SPTY2D1: variants seen among roughly 807,000 people sequenced by gnomAD.
SPTY2D1 encodes protein SPT2 homolog.
In SPTY2D1, 21 loss-of-function variants were observed where a neutral mutation model predicts 64.0. That is an observed-to-expected ratio of 0.33 (90% confidence interval 0.23 to 0.47). The LOEUF (loss-of-function observed/expected upper bound fraction) is 0.47, where lower values mean the gene tolerates loss of function less well. Among genes scored for constraint, SPTY2D1 ranks in the 20% least tolerant of loss-of-function variants. The pLI is 1.00. For missense variants in SPTY2D1, 724 were observed against 837.2 expected (o/e 0.86, Z 1.67); for synonymous variants, 287 against 286.8 (o/e 1.00, Z -0.01).
Position 18,615,921 on chromosome 11 carries a change from C to T in SPTY2D1, c.353G>A (p.Gly118Glu), listed in dbSNP as rs368425221. Residue 118 changes from glycine (G) to glutamate (E), a missense_variant, in exon 3 of 6, where the codon GGA becomes GAA. Transcript: ENST00000336349. Reference protein sequence around the residue: ...RQATESHTSQGTDREYEMEEE... With the variant: ...RQATESHTSQETDREYEMEEE... ...TTCCATTTCATACTCTCGGTCGGTT[C>T]CTTGGCTGGTATGGCTTTCTGTTGC... 1.9e-6 allele frequency: 3 copies of T among 1,614,146 alleles called. No individual in the cohort carries two copies. The highest frequency in any genetic ancestry group is 2.5e-6 in the Non-Finnish European group (3 of 1,180,042).
chr11:18,627,258 C>CAAAAAAAAA (rs1192277676), intron 1 of SPTY2D1, among the ~76,000 whole-genome samples: 123 of 47,256 alleles, frequency 2.6e-3, no homozygotes, highest in Non-Finnish European at 3.4e-3. Context: ...ACTAAAAATA[C>CAAAAAAAAA]AAAAAAAAAA....
At chr11:18,610,685 A>C (rs1392469845) in intron 5 of SPTY2D1, among the ~76,000 whole-genome samples, 10 of 151,056 alleles carry the variant, frequency 6.6e-5, no homozygotes, top group Admixed American at 2.6e-4. Flanking sequence ...AAAAAAAAAA[A>C]AAACAACAAT....
chr11:18,631,556 A>G (rs1242333284), intron 1 of SPTY2D1, among the ~76,000 whole-genome samples: 18 of 151,590 alleles, frequency 1.2e-4, no homozygotes, highest in East Asian at 2.0e-4. Context: ...CCATCTCAAA[A>G]AAAAGAAAAG....
intron 1 of SPTY2D1, among the ~76,000 whole-genome samples, chr11:18,618,182 C>A (rs1030662686): frequency 2.6e-5 from 4 of 152,156 alleles, no homozygotes; most frequent in Non-Finnish European, 5.9e-5. Context: ...TGACCACACA[C>A]AAAGGCTGGG....
chr11:18,622,086 C>CAAAAAAAAAAAAAAAAAAAAAAAA (rs747593791), intron 1 of SPTY2D1, among the ~76,000 whole-genome samples: 2 of 11,832 alleles, frequency 1.7e-4, no homozygotes, highest in African/African-American at 4.8e-4. Flanking sequence ...GACCCTATCT[C>CAAAAAAAAAAAAAAAAAAAAAAAA]AAAAAAAAAA....
intron 4 of SPTY2D1, among the ~76,000 whole-genome samples, 165 bp from the exon 5 acceptor site, chr11:18,611,719 T>C (rs1015913022): frequency 2.6e-5 from 4 of 152,188 alleles, no homozygotes; most frequent in African/African-American, 7.2e-5. Context: ...GATGGATAGG[T>C]TTCTGAAGTA....
At chr11:18,630,680 T>A (rs1854573509) in intron 1 of SPTY2D1, among the ~76,000 whole-genome samples, 1 of 152,182 alleles carries the variant, frequency 6.6e-6, no homozygotes, top group Non-Finnish European at 1.5e-5. Flanking sequence ...CAGGGAAAAA[T>A]GAACCAATCA....
chr11:18,626,539 C>A (rs1241132715), intron 1 of SPTY2D1, among the ~76,000 whole-genome samples: 1 of 152,178 alleles, frequency 6.6e-6, no homozygotes, highest in African/African-American at 2.4e-5. Flanking sequence ...TCAGTACACG[C>A]CCCTCATTCA....
chr11:18,615,363 T>C lies in SPTY2D1; in HGVS notation c.911A>G (p.His304Arg). The C allele has an allele frequency of 3.7e-6, 6 of 1,614,204 alleles. No homozygotes were observed. Among genetic ancestry groups the C allele is most frequent in the Non-Finnish European group, 5.1e-6 (6 of 1,180,028 alleles). The change falls in exon 3 of 6, where the codon CAC becomes CGC. Residue 304 changes from histidine to arginine, a missense_variant. Around this residue, in one of 3 missense-constraint regions of SPTY2D1, gnomAD observed 426 missense variants for 431.8 expected, o/e 0.99. Coordinates refer to ENST00000336349, the MANE Select transcript of SPTY2D1 (RefSeq NM_194285.3). ...AGCTCCATTAAAAACAGGTTTGTCGTGGCCCTCACGAAGTGAGGGTTGGGA... is the reference window on the plus strand; with the variant it reads ...AGCTCCATTAAAAACAGGTTTGTCGCGGCCCTCACGAAGTGAGGGTTGGGA... ...NSSQPSLREG[H>R]DKPVFNGAGK...
chr11:18,634,135 C>T, intron 1 of SPTY2D1, 63 bp downstream of exon 1: 1 of 1,586,426 alleles, frequency 6.3e-7, no homozygotes, highest in South Asian at 1.1e-5. Context: ...GTTCCATGGG[C>T]CACACACATT....
intron 1 of SPTY2D1, among the ~76,000 whole-genome samples, chr11:18,618,540 C>T (rs1209601320): frequency 6.6e-6 from 1 of 152,160 alleles, no homozygotes; most frequent in Non-Finnish European, 1.5e-5. Flanking sequence ...CCTCTACGAC[C>T]ATTCCACATT....
intron 1 of SPTY2D1, among the ~76,000 whole-genome samples, chr11:18,628,913 G>T (rs1404947675): frequency 6.6e-6 from 1 of 152,238 alleles, no homozygotes; most frequent in East Asian, 1.9e-4. Context: ...TTTTTATGCA[G>T]ACTACTTCAA....
At position 18,622,561 on chromosome 11, in the gene SPTY2D1, A is replaced by G. The variant is rs139188506; in HGVS notation, c.61-5572T>C. On this transcript the variant is annotated intron_variant, in intron 1 of 5. Transcript: ENST00000336349. Reference sequence around the variant, plus strand: ...ATCTTTGAGATAAAATTCATATACCACAAAATTCATCCATTTAATGTATAC... The same window carrying G: ...ATCTTTGAGATAAAATTCATATACCGCAAAATTCATCCATTTAATGTATAC... Among the ~76,000 whole-genome samples, 750 of 152,064 alleles carry G rather than the reference A, an allele frequency of 4.9e-3. 9 individuals are homozygous for G. Among genetic ancestry groups the G allele is most frequent in the African/African-American group, 0.017 (691 of 41,466 alleles).
rs1381250520 is a variant in SPTY2D1 at position 18,606,664 on chromosome 11, G to T, written c.*3197C>A. ...ACATCCACTCAGAAAATAAATAGTA[G>T]TCTAATATATTCAATACATTGAAAA... On this transcript the variant is annotated 3_prime_UTR_variant, in exon 6 of 6. Coordinates refer to ENST00000336349, the MANE Select transcript of SPTY2D1 (RefSeq NM_194285.3). 3 of 396,036 alleles carry T rather than the reference G, an allele frequency of 7.6e-6. No homozygotes were observed. The highest frequency in any genetic ancestry group is 1.4e-5 in the Non-Finnish European group (3 of 208,172). 24.5% of individuals were successfully genotyped at this position (396,036 alleles called of 1,614,324 possible).
At position 18,615,086 on chromosome 11, in the gene SPTY2D1, C is replaced by T. The variant is rs781222079; in HGVS notation, c.1188G>A (p.Val396=). Reference sequence around the variant, plus strand: ...TGGAGCTGCCATTCTGGCGCCTAGGCACAGGGCCAGAACTAACTGTGGGTC... The same window carrying T: ...TGGAGCTGCCATTCTGGCGCCTAGGTACAGGGCCAGAACTAACTGTGGGTC... ...VARPTVSSGP[V]PRRQNGSSSS... The change falls in exon 3 of 6, where the codon GTG becomes GTA. Residue 396 remains valine, a synonymous_variant. Coordinates refer to ENST00000336349, the MANE Select transcript of SPTY2D1 (RefSeq NM_194285.3). The T allele has an allele frequency of 1.9e-6, 3 of 1,614,060 alleles. No individual in the cohort carries two copies. The highest frequency in any genetic ancestry group is 2.7e-5 in the African/African-American group (2 of 74,946).
intron 1 of SPTY2D1, among the ~76,000 whole-genome samples, chr11:18,632,318 G>C (rs1236909472): frequency 6.6e-6 from 1 of 151,892 alleles, no homozygotes; most frequent in Non-Finnish European, 1.5e-5. Flanking sequence ...GTCAGAGAAT[G>C]CATGATTCAT....
intron 1 of SPTY2D1, among the ~76,000 whole-genome samples, chr11:18,631,661 G>GAA (rs140100043): frequency 1.4e-5 from 2 of 138,504 alleles, no homozygotes; most frequent in African/African-American, 5.2e-5. Context: ...GGCAAAAAAA[G>GAA]AAAAAAAGCT....
chr11:18,633,039 G>A (rs1854613291), intron 1 of SPTY2D1, among the ~76,000 whole-genome samples: 1 of 152,252 alleles, frequency 6.6e-6, no homozygotes, highest in Middle Eastern at 3.4e-3. Flanking sequence ...AACATGCAAA[G>A]CTTATGACTC....
At chr11:18,620,041 G>C (rs560492161) in intron 1 of SPTY2D1, among the ~76,000 whole-genome samples, 4 of 152,210 alleles carry the variant, frequency 2.6e-5, no homozygotes, top group South Asian at 4.1e-4. Flanking sequence ...CTGAATACTG[G>C]TATCCAAAAG....
Sources: allele counts gnomAD v4.1 joint callset (sites outside exome capture counted in the v4.1 genomes callset), GRCh38; gene constraint gnomAD v4.1.1; regional missense constraint gnomAD v4.1.1; transcripts MANE v1.5; gene names NCBI Gene and HGNC (gene_info 2026-07-23, HGNC 2026-07-21).